FAM13B: variants seen among roughly 807,000 people sequenced by gnomAD.
FAM13B encodes protein FAM13B.
FAM13B carries 60 observed loss-of-function variants against 117.3 expected under a neutral mutation model. That is an observed-to-expected ratio of 0.51 (90% CI 0.42 to 0.63). The LOEUF (loss-of-function observed/expected upper bound fraction) is 0.63, where lower values mean the gene tolerates loss of function less well. Ranked by LOEUF, FAM13B falls within the 30% of genes least tolerant of loss-of-function variation. The pLI, the probability that FAM13B is intolerant of heterozygous loss-of-function variation, is 0.00. For synonymous variants in FAM13B, 332 were observed against 356.1 expected, an observed-to-expected ratio of 0.93 and a Z score of 0.76; for missense variants, 972 against 1,091.9, an observed-to-expected ratio of 0.89 and a Z score of 1.55.
intron 4 of FAM13B, among the ~76,000 whole-genome samples, chr5:138,012,149 AAAGGAACTC>A (rs1240063788): frequency 2.0e-5 from 3 of 152,092 alleles, no homozygotes; most frequent in Non-Finnish European, 4.4e-5. Flanking sequence ...GAGCTGGAAA[AAAGGAACTC>A]AATCCCTTAA....
chr5:137,953,529 C>CTAATAGTG, intron 15 of FAM13B, 64 bp from the exon 16 acceptor site: 1 of 1,525,382 alleles, frequency 6.6e-7, no homozygotes, highest in Non-Finnish European at 9.0e-7. Flanking sequence ...TCTCTTATTG[C>CTAATAGTG]CCTGACATGG....
In FAM13B at chr5:138,049,733, G is replaced by A. The variant is rs111335105; in HGVS notation, c.-203+2145C>T. ...TTGTCCACAGTGCTGGGAGCTAAAT[G>A]TGCAAACTACAAAAAGTTTGTGGGC... is the stretch of plus-strand genomic sequence containing the variant. On this transcript the variant is annotated intron_variant, in intron 1 of 3. Coordinates refer to the FAM13B transcript ENST00000502471. Among the ~76,000 whole-genome samples, 19 of 152,300 alleles carry A rather than the reference G, an allele frequency of 1.2e-4. 1 individual carries two copies. The highest frequency in any genetic ancestry group is 4.1e-4 in the African/African-American group (17 of 41,568).
intron 2 of FAM13B, 41 bp from the exon 3 acceptor site, chr5:138,019,187 A>G (rs2150971150): frequency 6.4e-7 from 1 of 1,551,888 alleles, no homozygotes; most frequent in East Asian, 2.2e-5. Context: ...ATAATGATTA[A>G]CAGGTGGCAA....
chr5:138,019,193 G>T (rs1786003212), intron 2 of FAM13B, 47 bp from the exon 3 acceptor site: 3 of 1,529,582 alleles, frequency 2.0e-6, no homozygotes, highest in Admixed American at 1.9e-5. Flanking sequence ...ATTAACAGGT[G>T]GCAATATGAC....
chr5:138,011,845 T>C lies in FAM13B; in HGVS notation c.471A>G (p.Leu157=). The C allele has an allele frequency of 1.9e-6, 3 of 1,608,372 alleles. No individual in the cohort carries two copies. The highest frequency in any genetic ancestry group is 2.5e-6 in the Non-Finnish European group (3 of 1,178,110). ...YSLLKFLCRF[L]ANVASHHEEI... ...CTTCATGATGTGATGCTACATTGGC[T>C]AAAAATCTACACAGAAACTTTAACA... is the stretch of plus-strand genomic sequence containing the variant. Residue 157 remains leucine (L), a synonymous_variant, in exon 5 of 24, where the codon TTA becomes TTG. Transcript: ENST00000689681.
chr5:138,017,202 T>C lies in FAM13B; in HGVS notation c.370+1100A>G, dbSNP rs534647507. 8.5e-5 allele frequency among the ~76,000 whole-genome samples: 13 copies of C among 152,334 alleles called. No homozygotes were observed. The South Asian group carries it at 1.4e-3, about 17-fold the overall frequency. On this transcript the variant is annotated intron_variant, in intron 4 of 23. Coordinates refer to ENST00000689681, the MANE Select transcript of FAM13B (RefSeq NM_001385994.1). Reference sequence around the variant, plus strand: ...CAAGTTCAAAGTAAGCCTTATGATTTAGCTGTACAGAAAACATGTGTAAGA... The same window carrying C: ...CAAGTTCAAAGTAAGCCTTATGATTCAGCTGTACAGAAAACATGTGTAAGA...
rs1351661925 is a variant in FAM13B at position 137,940,326 on chromosome 5, C to G, written c.2713G>C (p.Val905Leu). Residue 905 changes from valine to leucine, a missense_variant, in exon 24 of 24, where the codon GTT (valine) becomes CTT (leucine). Val to Leu is a conservative substitution (Grantham distance 32). Coordinates refer to ENST00000689681, the MANE Select transcript of FAM13B (RefSeq NM_001385994.1). ...TCTCTGTACTCCTCAAGCACTGGAA[C>G]ACGATCCTCTTTCTGGGCATTCCTA... Reference protein sequence around the residue: ...NGRNAQKEDRVPVLEEYREYK... With the variant: ...NGRNAQKEDRLPVLEEYREYK... 6.2e-7 allele frequency: 1 copy of G among 1,605,362 alleles called. No homozygotes were observed. Among genetic ancestry groups the G allele is most frequent in the Non-Finnish European group, 8.5e-7 (1 of 1,173,986 alleles).
intron 9 of FAM13B, among the ~76,000 whole-genome samples, chr5:137,986,360 C>CA (rs1322468682): frequency 2.6e-5 from 4 of 151,792 alleles, no homozygotes; most frequent in Non-Finnish European, 5.9e-5. Context: ...AACCACTCCC[C>CA]AATTATCTTT....
In FAM13B at chr5:137,954,338, C is replaced by T; in HGVS notation, c.1546G>A (p.Glu516Lys). The change falls in exon 15 of 24, where the codon GAG (glutamate) becomes AAG (lysine). Residue 516 changes from glutamate to lysine, a missense_variant. Glu to Lys is a moderately conservative substitution (Grantham distance 56). Transcript: ENST00000689681. ...PAFKSWQEDSESGEAQLSPQA... is the reference protein window; with the variant it reads ...PAFKSWQEDSKSGEAQLSPQA... The stretch of plus-strand genomic sequence containing the variant: ...GGAGACAGCTGAGCTTCTCCAGACT[C>T]AGAGTCCTCCTGCCAAGACTTAAAA... 1.9e-6 allele frequency: 3 copies of T among 1,613,932 alleles called. No individual in the cohort carries two copies. In the South Asian group the frequency reaches 3.3e-5, roughly 18 times the overall value.
intron 10 of FAM13B, among the ~76,000 whole-genome samples, chr5:137,970,162 A>G (rs1235655499): frequency 6.6e-6 from 1 of 151,912 alleles, no homozygotes; most frequent in Non-Finnish European, 1.5e-5. Context: ...TAATTGTCAG[A>G]TTCACCAAAG....
At chr5:138,029,863 C>T (rs1445819724) in intron 1 of FAM13B, among the ~76,000 whole-genome samples, 3 of 151,998 alleles carry the variant, frequency 2.0e-5, no homozygotes, top group Middle Eastern at 3.2e-3. Context: ...CTGAAAAGGG[C>T]AATAATAGAA....
chr5:138,050,075 C>G (rs966715384), intron 1 of FAM13B, among the ~76,000 whole-genome samples: 5 of 151,958 alleles, frequency 3.3e-5, no homozygotes, highest in Non-Finnish European at 7.4e-5. Context: ...AAGTTCAAGG[C>G]TACAGTAAGC....
chr5:138,023,761 C>T (rs1271025814), intron 1 of FAM13B, among the ~76,000 whole-genome samples: 1 of 152,156 alleles, frequency 6.6e-6, no homozygotes, highest in Admixed American at 6.5e-5. Flanking sequence ...GGTTTCACCA[C>T]ATTGCCCAGG....
At chr5:138,015,172 G>A (rs1784959787) in intron 4 of FAM13B, among the ~76,000 whole-genome samples, 1 of 152,048 alleles carries the variant, frequency 6.6e-6, no homozygotes, top group Non-Finnish European at 1.5e-5. Flanking sequence ...ACATCCTAAG[G>A]TACACAACTC....
At chr5:137,945,740 G>T (rs1444769581) in intron 20 of FAM13B, among the ~76,000 whole-genome samples, 162 bp downstream of exon 20, 2 of 152,170 alleles carry the variant, frequency 1.3e-5, no homozygotes, top group Non-Finnish European at 2.9e-5. Flanking sequence ...TATACTAGCA[G>T]ACATTATTAG....
intron 10 of FAM13B, among the ~76,000 whole-genome samples, chr5:137,979,358 CT>C (rs759579266): frequency 2.0e-5 from 3 of 152,120 alleles, no homozygotes; most frequent in Non-Finnish European, 4.4e-5. Flanking sequence ...AAAAAGCCTA[CT>C]GATTGTTGTT....
rs67314207 is a variant in FAM13B, at chr5:138,025,288, CAT to C, written c.-202-4093_-202-4092del. On this transcript the variant is annotated intron_variant, in intron 1 of 23. Transcript: ENST00000689681. ...AGATAACAGTGATTACAAACAAAGC[CAT>C]ATATATATATATATATATATGTATT... 2.5e-3 allele frequency among the ~76,000 whole-genome samples: 236 copies of C among 92,632 alleles called. 2 individuals carry two copies. Among genetic ancestry groups the C allele is most frequent in the African/African-American group, 0.01 (207 of 19,818 alleles). The allele number at this position is 92,632 out of a possible 152,430, so 60.8% of individuals were successfully genotyped here. A position where few individuals can be genotyped will look rare whatever the true frequency, so the allele number is the denominator to read the frequency against.
chr5:138,020,906 A>C, intron 2 of FAM13B, 125 bp downstream of exon 2: 1 of 514,420 alleles, frequency 1.9e-6, no homozygotes, highest in Non-Finnish European at 3.0e-6. Flanking sequence ...TCCATTCTTC[A>C]ATGTATCTGG....
chr5:138,045,150 C>T (rs1466295624), intron 1 of FAM13B, among the ~76,000 whole-genome samples: 2 of 152,174 alleles, frequency 1.3e-5, no homozygotes, highest in Non-Finnish European at 2.9e-5. Flanking sequence ...AAAATGTTCA[C>T]ATCTGCATTA....
Sources: gnomAD v4.1 joint callset for allele counts (sites outside exome capture counted in the v4.1 genomes callset) on GRCh38, gnomAD v4.1.1 for gene constraint, MANE v1.5 for transcripts, NCBI Gene and HGNC (gene_info 2026-07-23, HGNC 2026-07-21) for gene names.